Variants in UGGT2 observed in about 807,000 individuals in gnomAD.
The protein encoded by UGGT2 is UDP-glucose glycoprotein glucosyltransferase 2, also known as UDP-glucose:glycoprotein glucosyltransferase 2.
UGGT2 carries 180 observed loss-of-function variants against 192.1 expected under a neutral mutation model. The ratio of observed to expected loss-of-function variants is 0.94; its 90% confidence interval spans 0.83 to 1.06. The LOEUF (loss-of-function observed/expected upper bound fraction) is 1.06, where lower values mean the gene tolerates loss of function less well. UGGT2 is among the 50% of genes least tolerant of loss of function. The pLI, the probability that UGGT2 is intolerant of heterozygous loss-of-function variation, is 0.00. For missense variants in UGGT2, 1,849 were observed against 1,795.7 expected, an observed-to-expected ratio of 1.03 and a Z score of -0.54; for synonymous variants, 580 against 591.0, an observed-to-expected ratio of 0.98 and a Z score of 0.27.
intron 20 of UGGT2, among the ~76,000 whole-genome samples, chr13:95,909,245 T>C (rs2048394777): frequency 6.6e-6 from 1 of 152,110 alleles, no homozygotes; most frequent in South Asian, 2.1e-4. Context: ...AGCCATCCCA[T>C]TACTGGGTAT....
At chr13:95,870,867 G>A (rs545145995) in intron 29 of UGGT2, among the ~76,000 whole-genome samples, 3 of 152,204 alleles carry the variant, frequency 2.0e-5, no homozygotes, top group Non-Finnish European at 4.4e-5. Flanking sequence ...CCCTCATTGA[G>A]TGGAAGTGGT....
rs555135021 is a variant in UGGT2 at position 95,810,280 on chromosome 13, A to G, written c.4529-8468T>C. On this transcript the variant is annotated intron_variant, in intron 38 of 38. Coordinates refer to ENST00000376747, the MANE Select transcript of UGGT2 (RefSeq NM_020121.4). ...AACACGGTATGAACTGCTCATGTGG[A>G]GATGATTAGTGTTTTAAGCAGATAC... is the stretch of plus-strand genomic sequence containing the variant. 5.9e-5 allele frequency among the ~76,000 whole-genome samples: 9 copies of G among 152,276 alleles called. No individual in the cohort carries two copies. The East Asian group carries it at 1.7e-3, about 29-fold the overall frequency.
chr13:95,817,300 A>C (rs1440184570), intron 38 of UGGT2, among the ~76,000 whole-genome samples: 1 of 151,930 alleles, frequency 6.6e-6, no homozygotes, highest in Non-Finnish European at 1.5e-5. Context: ...GATTAAAAGG[A>C]AAGATCACGT....
rs547275632 is a variant in UGGT2 at position 95,931,399 on chromosome 13, G to A, written c.1978-4063C>T. Among the ~76,000 whole-genome samples, 376 of 152,148 alleles carry A rather than the reference G, an allele frequency of 2.5e-3. 1 individual carries two copies. The highest frequency in any genetic ancestry group is 3.9e-3 in the Non-Finnish European group (264 of 67,948). ...ACCTAGTGGATCCCACACCTGGGCCGCAGGGGGAGCTGCCCGCCACTCCCG... is the reference window on the plus strand; with the variant it reads ...ACCTAGTGGATCCCACACCTGGGCCACAGGGGGAGCTGCCCGCCACTCCCG... On this transcript the variant is annotated intron_variant, in intron 17 of 38. Coordinates refer to ENST00000376747, the MANE Select transcript of UGGT2 (RefSeq NM_020121.4).
chr13:95,887,846 G>GC (rs1238365693), intron 26 of UGGT2, 46 bp downstream of exon 26: 1 of 1,183,624 alleles, frequency 8.4e-7, no homozygotes, highest in South Asian at 1.4e-5. Context: ...TTTCTTCTCA[G>GC]CATTTACAAA....
intron 38 of UGGT2, among the ~76,000 whole-genome samples, chr13:95,821,644 A>G (rs1386743892): frequency 6.6e-6 from 1 of 152,158 alleles, no homozygotes; most frequent in Non-Finnish European, 1.5e-5. Context: ...TTCTTTGCCT[A>G]CGCCAATGTC....
chr13:95,998,803 T>A (rs1321696892), intron 6 of UGGT2, among the ~76,000 whole-genome samples: 1 of 151,902 alleles, frequency 6.6e-6, no homozygotes, highest in Non-Finnish European at 1.5e-5. Context: ...AAAACTACCA[T>A]CCTAATTTCA....
At chr13:95,922,872 G>C (rs557414180) in intron 20 of UGGT2, among the ~76,000 whole-genome samples, 1 of 152,004 alleles carries the variant, frequency 6.6e-6, no homozygotes, top group Non-Finnish European at 1.5e-5. Flanking sequence ...TTTAAAAAAA[G>C]AAACTCTCTT....
intron 37 of UGGT2, among the ~76,000 whole-genome samples, chr13:95,834,669 G>C (rs1452644267): frequency 1.3e-5 from 2 of 152,022 alleles, no homozygotes; most frequent in African/African-American, 4.8e-5. Flanking sequence ...GAGGGAGACG[G>C]GCTGAACACC....
At chr13:95,997,472 G>A (rs1389076470) in intron 6 of UGGT2, among the ~76,000 whole-genome samples, 11 of 151,870 alleles carry the variant, frequency 7.2e-5, no homozygotes, top group African/African-American at 2.2e-4. Flanking sequence ...GTGAAACCTC[G>A]TCTCTACTAA....
chr13:95,980,508 T>C (rs373117469), intron 10 of UGGT2, among the ~76,000 whole-genome samples: 1 of 152,248 alleles, frequency 6.6e-6, no homozygotes, highest in Non-Finnish European at 1.5e-5. Context: ...CCAGGTACAC[T>C]GTTCAGGTGA....
At chr13:95,926,024 C>T (rs975726207) in intron 19 of UGGT2, among the ~76,000 whole-genome samples, 18 of 151,754 alleles carry the variant, frequency 1.2e-4, no homozygotes, top group African/African-American at 3.6e-4. Context: ...ATAAAGCTTC[C>T]GGTTAGAAGA....
intron 20 of UGGT2, among the ~76,000 whole-genome samples, chr13:95,907,283 A>C (rs922957484): frequency 6.6e-6 from 1 of 152,242 alleles, no homozygotes; most frequent in Non-Finnish European, 1.5e-5. Flanking sequence ...AGCCCACCGC[A>C]GCTCAGCGAG....
In UGGT2 at chr13:96,032,308, T is replaced by A. The variant is rs148030826; in HGVS notation, c.159-337A>T. On this transcript the variant is annotated intron_variant, in intron 1 of 38. Coordinates refer to ENST00000376747, the MANE Select transcript of UGGT2 (RefSeq NM_020121.4). ...ATGCCACTGAGAAATACAAAAATTA[T>A]AATTAAGATAGAACATTATATAAAG... is the stretch of plus-strand genomic sequence containing the variant. Among the ~76,000 whole-genome samples the A allele has an allele frequency of 7.9e-5, 12 of 152,120 alleles. No homozygotes were observed. In the East Asian group the frequency reaches 2.3e-3, roughly 29 times the overall value.
intron 17 of UGGT2, among the ~76,000 whole-genome samples, chr13:95,933,952 G>A (rs948923212): frequency 4.6e-5 from 7 of 152,140 alleles, no homozygotes; most frequent in African/African-American, 1.7e-4. Flanking sequence ...CCAAAGTGCT[G>A]GGATTACAGG....
At chr13:95,913,447 T>C (rs1190205216) in intron 20 of UGGT2, among the ~76,000 whole-genome samples, 1 of 151,850 alleles carries the variant, frequency 6.6e-6, no homozygotes, top group African/African-American at 2.4e-5. Flanking sequence ...TAGACACTTC[T>C]CAAAAGAAGA....
chr13:95,862,983 C>A (rs1000871594), intron 31 of UGGT2, among the ~76,000 whole-genome samples: 1 of 152,138 alleles, frequency 6.6e-6, no homozygotes, highest in African/African-American at 2.4e-5. Flanking sequence ...CCACCTCAGT[C>A]TTCTGAGTAA....
intron 12 of UGGT2, among the ~76,000 whole-genome samples, chr13:95,956,978 T>A (rs1170121658): frequency 3.3e-5 from 5 of 152,230 alleles, no homozygotes; most frequent in Non-Finnish European, 5.9e-5. Context: ...ATACATTCAA[T>A]GAAATATTAT....
intron 20 of UGGT2, among the ~76,000 whole-genome samples, chr13:95,914,362 A>C (rs1446910489): frequency 6.6e-6 from 1 of 152,192 alleles, no homozygotes; most frequent in African/African-American, 2.4e-5. Context: ...AAGGCAGAAG[A>C]AAGCAAGCTA....
Sources: allele counts gnomAD v4.1 joint callset (sites outside exome capture counted in the v4.1 genomes callset), GRCh38; gene constraint gnomAD v4.1.1; transcripts MANE v1.5; gene names NCBI Gene and HGNC (gene_info 2026-07-23, HGNC 2026-07-21).